Variants in NMNAT2 observed in about 807,000 individuals in gnomAD.
NMNAT2 encodes the protein nicotinamide nucleotide adenylyltransferase 2.
Under a neutral mutation model 41.6 loss-of-function variants are expected in NMNAT2, and 11 were observed. That is an observed-to-expected ratio of 0.26 (90% CI 0.17 to 0.44). NMNAT2 has a LOEUF of 0.44. Among genes scored for constraint, NMNAT2 ranks in the 20% least tolerant of loss-of-function variants. NMNAT2 has a pLI of 1.00. For synonymous variants in NMNAT2, 148 were observed against 151.2 expected (o/e 0.98, Z 0.16); for missense variants, 288 against 407.7 (o/e 0.71, Z 2.53).
intron 1 of NMNAT2, among the ~76,000 whole-genome samples, chr1:183,343,888 C>T (rs116483913): frequency 1.3e-5 from 2 of 152,314 alleles, no homozygotes; most frequent in Non-Finnish European, 2.9e-5. Context: ...CCTATCCAGC[C>T]TCTTATCCTG....
intron 1 of NMNAT2, among the ~76,000 whole-genome samples, 186 bp from the exon 2 acceptor site, chr1:183,293,979 A>G (rs1484579971): frequency 6.6e-6 from 1 of 152,232 alleles, no homozygotes; most frequent in Admixed American, 6.5e-5. Context: ...ACCAGATTTC[A>G]GCCCCCAAAG....
intron 1 of NMNAT2, among the ~76,000 whole-genome samples, chr1:183,317,045 G>C (rs72731423): frequency 2.0e-5 from 3 of 152,258 alleles, no homozygotes; most frequent in Non-Finnish European, 4.4e-5. Context: ...ATTTTAATAA[G>C]AGCCCCCAAT....
At chr1:183,318,659 C>A (rs961355512) in intron 1 of NMNAT2, among the ~76,000 whole-genome samples, 3 of 152,160 alleles carry the variant, frequency 2.0e-5, no homozygotes, top group East Asian at 1.9e-4. Flanking sequence ...AACCCTCAGT[C>A]CTTCCTGCCT....
In NMNAT2 at chr1:183,264,272, C is replaced by T. The variant is rs376274477; in HGVS notation, c.652-2969G>A. Among the ~76,000 whole-genome samples the T allele has an allele frequency of 8.5e-5, 13 of 152,110 alleles. No homozygotes were observed. In the South Asian group the frequency reaches 1.0e-3, roughly 12 times the overall value. ...AGAATAGCAGTCCTCATGGGGGAAT[C>T]GCCCTGTGGGTGACATCAGTGCAGC... is the stretch of plus-strand genomic sequence containing the variant. On this transcript the variant is annotated intron_variant, in intron 8 of 10. Coordinates refer to ENST00000287713, the MANE Select transcript of NMNAT2 (RefSeq NM_015039.4).
At chr1:183,311,744 CACACACACACA>C (rs1158227818) in intron 1 of NMNAT2, among the ~76,000 whole-genome samples, 10 of 151,716 alleles carry the variant, frequency 6.6e-5, no homozygotes, top group Non-Finnish European at 1.2e-4. Context: ...CACACACACA[CACACACACACA>C]CACACACACA....
At chr1:183,407,712 A>G (rs1006922129) in intron 1 of NMNAT2, among the ~76,000 whole-genome samples, 1 of 152,254 alleles carries the variant, frequency 6.6e-6, no homozygotes, top group Non-Finnish European at 1.5e-5. Context: ...AGTGCTATCA[A>G]CGTTCAGAGG....
chr1:183,302,803 C>G (rs1402857235), intron 1 of NMNAT2, among the ~76,000 whole-genome samples: 2 of 152,160 alleles, frequency 1.3e-5, no homozygotes, highest in African/African-American at 2.4e-5. Context: ...TCTTTTGCCC[C>G]TGTTTCTCCA....
intron 1 of NMNAT2, among the ~76,000 whole-genome samples, chr1:183,415,518 G>A (rs1358679321): frequency 1.3e-5 from 2 of 152,140 alleles, no homozygotes; most frequent in East Asian, 1.9e-4. Flanking sequence ...GAAGATGAGC[G>A]GGCACTTCCT....
chr1:183,275,609 C>CTGAGCATAG (rs1661101923), intron 8 of NMNAT2, among the ~76,000 whole-genome samples: 4 of 151,498 alleles, frequency 2.6e-5, no homozygotes, highest in African/African-American at 7.3e-5. Flanking sequence ...GGATGGGTGT[C>CTGAGCATAG]CTGGGACTCC....
intron 1 of NMNAT2, among the ~76,000 whole-genome samples, chr1:183,321,855 G>T (rs919422942): frequency 3.9e-5 from 6 of 152,156 alleles, no homozygotes; most frequent in African/African-American, 1.4e-4. Context: ...GTCTCGATTT[G>T]TCACCCAGGC....
chr1:183,260,556 A>C (rs1362367906), intron 10 of NMNAT2, among the ~76,000 whole-genome samples: 2 of 152,092 alleles, frequency 1.3e-5, no homozygotes, highest in African/African-American at 4.8e-5. Context: ...AGTGGCTCAC[A>C]CCTGTATTCT....
At chr1:183,259,152 A>G (rs999276435) in intron 10 of NMNAT2, among the ~76,000 whole-genome samples, 7 of 152,184 alleles carry the variant, frequency 4.6e-5, no homozygotes, top group African/African-American at 1.7e-4. Context: ...GCTCTGAAGC[A>G]GATTCCTAAG....
intron 1 of NMNAT2, among the ~76,000 whole-genome samples, chr1:183,344,498 G>A (rs1662884560): frequency 1.3e-5 from 2 of 152,200 alleles, no homozygotes; most frequent in African/African-American, 4.8e-5. Flanking sequence ...TCAGGTGTTT[G>A]AGAGCACAAA....
intron 1 of NMNAT2, among the ~76,000 whole-genome samples, chr1:183,395,244 G>A (rs1648604241): frequency 6.6e-6 from 1 of 151,990 alleles, no homozygotes; most frequent in Admixed American, 6.6e-5. Context: ...AGTTTAACTA[G>A]CAGTGGTGGA....
chr1:183,268,277 G>A (rs182863815), intron 8 of NMNAT2, among the ~76,000 whole-genome samples: 52 of 152,278 alleles, frequency 3.4e-4, no homozygotes, highest in Admixed American at 3.3e-3. Flanking sequence ...GCCCTGCCTT[G>A]CTGGATTTAA....
chr1:183,379,106 A>C (rs893225936), intron 1 of NMNAT2, among the ~76,000 whole-genome samples: 3 of 147,608 alleles, frequency 2.0e-5, no homozygotes, highest in Admixed American at 6.9e-5. Flanking sequence ...TATAATCTAT[A>C]TCTCTCTCTC....
At chr1:183,357,987 C>T (rs1276284825) in intron 1 of NMNAT2, among the ~76,000 whole-genome samples, 2 of 152,128 alleles carry the variant, frequency 1.3e-5, no homozygotes, top group African/African-American at 4.8e-5. Flanking sequence ...CATTGCAGCA[C>T]TATTCACAAT....
At chr1:183,300,706 T>G (rs961958039) in intron 1 of NMNAT2, among the ~76,000 whole-genome samples, 7 of 152,218 alleles carry the variant, frequency 4.6e-5, no homozygotes, top group African/African-American at 1.7e-4. Context: ...TTTGAAATGT[T>G]CATGATAAAT....
intron 10 of NMNAT2, among the ~76,000 whole-genome samples, chr1:183,258,641 T>A (rs914619926): frequency 1.3e-5 from 2 of 152,160 alleles, no homozygotes; most frequent in African/African-American, 4.8e-5. Flanking sequence ...AAATTACGGT[T>A]TAGGAGTCAT....
Sources: allele counts gnomAD v4.1 joint callset (sites outside exome capture counted in the v4.1 genomes callset), GRCh38; gene constraint gnomAD v4.1.1; transcripts MANE v1.5; gene names NCBI Gene and HGNC (gene_info 2026-07-23, HGNC 2026-07-21).